TMEM132B: variants seen among roughly 807,000 people sequenced by gnomAD.
TMEM132B encodes transmembrane protein 132B.
Under a neutral mutation model 90.8 loss-of-function variants are expected in TMEM132B, and 18 were observed. The observed-to-expected ratio is 0.20, with a 90% confidence interval of 0.14 to 0.29. TMEM132B has a LOEUF of 0.29. TMEM132B is among the 10% of genes least tolerant of loss of function. The pLI, the probability that TMEM132B is intolerant of heterozygous loss-of-function variation, is 1.00. For synonymous variants in TMEM132B, 504 were observed against 523.3 expected (o/e 0.96, Z 0.50); for missense variants, 1,096 against 1,326.8 (o/e 0.83, Z 2.70).
At chr12:125,585,691 A>G (rs2136875973) in intron 5 of TMEM132B, 1 of 152,322 alleles carries the variant, frequency 6.6e-6, no homozygotes, top group East Asian at 1.9e-4. Context: ...ATTGCCATAT[A>G]CCTGGTTTTC....
chr12:125,621,433 A>C (rs1408678494), intron 5 of TMEM132B, among the ~76,000 whole-genome samples: 1 of 152,112 alleles, frequency 6.6e-6, no homozygotes, highest in African/African-American at 2.4e-5. Flanking sequence ...TGTTGGTGGG[A>C]GTATGGGAGC....
intron 4 of TMEM132B, among the ~76,000 whole-genome samples, chr12:125,545,536 C>T (rs188203826): frequency 5.3e-5 from 8 of 152,292 alleles, no homozygotes; most frequent in South Asian, 4.2e-4. Flanking sequence ...CACACAGACA[C>T]GAGATTTGGT....
intron 6 of TMEM132B, among the ~76,000 whole-genome samples, chr12:125,645,516 TG>T (rs1886743970): frequency 6.6e-6 from 1 of 152,156 alleles, no homozygotes; most frequent in Non-Finnish European, 1.5e-5. Context: ...CTGAGGAATG[TG>T]GGTAATCTTT....
chr12:125,398,867 G>T (rs896458948), intron 2 of TMEM132B, among the ~76,000 whole-genome samples: 5 of 152,176 alleles, frequency 3.3e-5, no homozygotes, highest in African/African-American at 1.2e-4. Flanking sequence ...CTCACAGGCT[G>T]CAGCCCAGGT....
chr12:125,509,079 C>T (rs940567526), intron 3 of TMEM132B, among the ~76,000 whole-genome samples: 1 of 152,128 alleles, frequency 6.6e-6, no homozygotes, highest in Non-Finnish European at 1.5e-5. Context: ...CCATCACACC[C>T]AGCCAGTAAT....
chr12:125,535,589 G>A (rs1170512611), intron 4 of TMEM132B, among the ~76,000 whole-genome samples: 1 of 152,134 alleles, frequency 6.6e-6, no homozygotes, highest in African/African-American at 2.4e-5. Context: ...TCTCTGCCAC[G>A]ATTAAAGACC....
chr12:125,236,264 G>T (rs1873934415), intron 1 of TMEM132B, among the ~76,000 whole-genome samples: 1 of 152,084 alleles, frequency 6.6e-6, no homozygotes, highest in African/African-American at 2.4e-5. Flanking sequence ...TTGTGCCTCA[G>T]CCTCCTGAGT....
At chr12:125,643,520 C>T (rs894473371) in intron 5 of TMEM132B, among the ~76,000 whole-genome samples, 2 of 152,182 alleles carry the variant, frequency 1.3e-5, no homozygotes, top group African/African-American at 4.8e-5. Flanking sequence ...ATGCCACATT[C>T]GTTCTGCAAA....
chr12:125,193,537 A>C (rs1872850246), intron 1 of TMEM132B, among the ~76,000 whole-genome samples: 1 of 152,250 alleles, frequency 6.6e-6, no homozygotes, highest in Admixed American at 6.5e-5. Flanking sequence ...CGATATGATG[A>C]AGAGTGACTG....
At chr12:125,413,769 C>A (rs1329116536) in intron 2 of TMEM132B, among the ~76,000 whole-genome samples, 2 of 152,176 alleles carry the variant, frequency 1.3e-5, no homozygotes, top group African/African-American at 4.8e-5. Flanking sequence ...TTCTTTCAGT[C>A]TTTTACGTAT....
At chr12:125,255,836 A>G (rs183229343) in intron 1 of TMEM132B, among the ~76,000 whole-genome samples, 1 of 152,310 alleles carries the variant, frequency 6.6e-6, no homozygotes, top group Admixed American at 6.5e-5. Context: ...CTCTGGAAGG[A>G]CATGTTCTGG....
Position 125,460,619 on chromosome 12 carries a change from G to A in TMEM132B, c.1106+44942G>A, listed in dbSNP as rs79203342. ...CACTCTTCAACAGTACTGCTCAACC[G>A]TTTGAGTATCTGCGGCCTTTTCATT... On this transcript the variant is annotated intron_variant, in intron 3 of 8. Coordinates refer to ENST00000682704, the MANE Select transcript of TMEM132B (RefSeq NM_001366854.1). The surrounding 1 kb of genome is among the most constrained non-coding windows in gnomAD (Gnocchi z 4.4). 3.3e-3 allele frequency among the ~76,000 whole-genome samples: 510 copies of A among 152,276 alleles called. No individual in the cohort carries two copies. Among genetic ancestry groups the A allele is most frequent in the Non-Finnish European group, 5.6e-3 (381 of 68,020 alleles).
At chr12:125,495,030 T>C (rs1882512006) in intron 3 of TMEM132B, among the ~76,000 whole-genome samples, 2 of 68,772 alleles carry the variant, frequency 2.9e-5, no homozygotes, top group East Asian at 5.4e-4. Flanking sequence ...AAGAAATGGA[T>C]GCGTCCCTCC....
chr12:125,412,387 C>G (rs1409861317), intron 2 of TMEM132B, among the ~76,000 whole-genome samples: 1 of 152,158 alleles, frequency 6.6e-6, no homozygotes, highest in Non-Finnish European at 1.5e-5. Flanking sequence ...ATTATTGTCC[C>G]CAGACTTAAC....
At chr12:125,535,325 G>A (rs1283761690) in intron 4 of TMEM132B, among the ~76,000 whole-genome samples, 1 of 152,152 alleles carries the variant, frequency 6.6e-6, no homozygotes, top group Non-Finnish European at 1.5e-5. Flanking sequence ...CTGAGCGGGG[G>A]AAAAGATGAA....
chr12:125,338,775 C>T (rs756481752), intron 1 of TMEM132B, among the ~76,000 whole-genome samples: 1 of 152,194 alleles, frequency 6.6e-6, no homozygotes, highest in African/African-American at 2.4e-5. Flanking sequence ...ATTTTATTTG[C>T]AGATATCCTC....
chr12:125,306,367 C>T (rs1183324109), intron 1 of TMEM132B, among the ~76,000 whole-genome samples: 2 of 152,214 alleles, frequency 1.3e-5, no homozygotes. Flanking sequence ...GGACTTCTCC[C>T]CTGGGCTCCA....
chr12:125,416,522 G>T (rs396536), intron 3 of TMEM132B, among the ~76,000 whole-genome samples: 1 of 152,178 alleles, frequency 6.6e-6, no homozygotes, highest in South Asian at 2.1e-4. Context: ...AAGGCCTGCA[G>T]CATTAGGAAT....
At chr12:125,576,033 T>C (rs1468041146) in intron 4 of TMEM132B, among the ~76,000 whole-genome samples, 2 of 152,098 alleles carry the variant, frequency 1.3e-5, no homozygotes, top group African/African-American at 4.8e-5. Context: ...GGAATTTTGA[T>C]AGCAATTACA....
Sources: gnomAD v4.1 joint callset for allele counts (sites outside exome capture counted in the v4.1 genomes callset) on GRCh38, gnomAD v4.1.1 for gene constraint, Gnocchi (gnomAD v3.1) non-coding constraint, MANE v1.5 for transcripts, NCBI Gene and HGNC (gene_info 2026-07-23, HGNC 2026-07-21) for gene names.